Variants in CDC42BPA observed in about 807,000 individuals in gnomAD.
CDC42BPA encodes the protein serine/threonine-protein kinase MRCK alpha.
A neutral mutation model predicts 223.5 loss-of-function variants in CDC42BPA; 80 were observed. The observed-to-expected ratio is 0.36, with a 90% CI of 0.30 to 0.43. The LOEUF (loss-of-function observed/expected upper bound fraction) is 0.43. Ranked by LOEUF, CDC42BPA falls within the 20% of genes least tolerant of loss-of-function variation. CDC42BPA has a pLI of 1.00. For missense variants in CDC42BPA, 1,743 were observed against 2,099.9 expected (o/e 0.83, Z 3.32); for synonymous variants, 694 against 718.6 (o/e 0.97, Z 0.55).
chr1:227,020,367 A>G (rs1456121846), intron 32 of CDC42BPA, among the ~76,000 whole-genome samples: 1 of 152,266 alleles, frequency 6.6e-6, no homozygotes, highest in Non-Finnish European at 1.5e-5. Flanking sequence ...TTCTTCCTAC[A>G]GAAGTCTGTT....
At chr1:227,295,939 AAC>A (rs536372877) in intron 1 of CDC42BPA, among the ~76,000 whole-genome samples, 39 of 152,380 alleles carry the variant, frequency 2.6e-4, no homozygotes, top group African/African-American at 9.1e-4. Context: ...AAAGCTAGAA[AAC>A]ACAGTCAATC....
At chr1:227,072,552 G>A (rs1678610900) in intron 19 of CDC42BPA, among the ~76,000 whole-genome samples, 1 of 151,976 alleles carries the variant, frequency 6.6e-6, no homozygotes, top group South Asian at 2.1e-4. Flanking sequence ...GCAGAGATGA[G>A]AAGCTGTGAT....
At chr1:227,185,972 T>C (rs1214071865) in intron 5 of CDC42BPA, among the ~76,000 whole-genome samples, 1 of 152,122 alleles carries the variant, frequency 6.6e-6, no homozygotes, top group Non-Finnish European at 1.5e-5. Flanking sequence ...TTCTTAGATA[T>C]GTAAGAGAAG....
chr1:227,162,866 A>ATGTGTGTGTGTGTG (rs71574598), intron 5 of CDC42BPA, among the ~76,000 whole-genome samples: 39,547 of 126,962 alleles, frequency 0.31, 5,336 homozygotes, highest in African/African-American at 0.32. Flanking sequence ...AAATAAATAT[A>ATGTGTGTGTGTGTG]TATGTGTGTG....
chr1:227,076,944 C>T (rs960371364), intron 17 of CDC42BPA, among the ~76,000 whole-genome samples: 2 of 152,150 alleles, frequency 1.3e-5, no homozygotes, highest in African/African-American at 4.8e-5. Flanking sequence ...CCTGCCTCAA[C>T]TATTTTGCTG....
chr1:227,259,650 T>C (rs1683708132), intron 1 of CDC42BPA, among the ~76,000 whole-genome samples: 2 of 150,848 alleles, frequency 1.3e-5, no homozygotes, highest in Non-Finnish European at 2.9e-5. Flanking sequence ...TTAACCCTCA[T>C]TAATATTATA....
At chr1:227,230,220 C>G (rs903416811) in intron 2 of CDC42BPA, among the ~76,000 whole-genome samples, 1 of 152,234 alleles carries the variant, frequency 6.6e-6, no homozygotes, top group South Asian at 2.1e-4. Flanking sequence ...TCTCTGATTT[C>G]ATAGTTCTTA....
chr1:227,232,878 G>A (rs182418138), intron 2 of CDC42BPA, among the ~76,000 whole-genome samples: 122 of 152,348 alleles, frequency 8.0e-4, no homozygotes, highest in Non-Finnish European at 1.4e-3. Context: ...ACTTGAGGAG[G>A]CAGTCTGTCC....
chr1:227,243,137 A>T (rs1395300583), intron 2 of CDC42BPA, among the ~76,000 whole-genome samples: 1 of 152,200 alleles, frequency 6.6e-6, no homozygotes, highest in African/African-American at 2.4e-5. Flanking sequence ...ACACATGGAC[A>T]CATAGAAGGG....
chr1:227,163,429 T>C (rs1350426229), intron 5 of CDC42BPA, among the ~76,000 whole-genome samples: 1 of 152,172 alleles, frequency 6.6e-6, no homozygotes, highest in Admixed American at 6.5e-5. Flanking sequence ...CTCCAGACTA[T>C]AGATGTAGAA....
chr1:227,175,421 G>C (rs1422053757), intron 5 of CDC42BPA, among the ~76,000 whole-genome samples: 2 of 151,384 alleles, frequency 1.3e-5, no homozygotes, highest in Non-Finnish European at 3.0e-5. Flanking sequence ...CTGCAAACTT[G>C]AAGTCTAATT....
At chr1:227,193,996 G>T in intron 4 of CDC42BPA, 62 bp from the exon 5 acceptor site, 1 of 1,150,992 alleles carries the variant, frequency 8.7e-7, no homozygotes, top group Non-Finnish European at 1.2e-6. Flanking sequence ...TCAATATACT[G>T]TATCCCAAGG....
intron 1 of CDC42BPA, among the ~76,000 whole-genome samples, chr1:227,305,953 G>A (rs762011250): frequency 5.9e-5 from 9 of 152,214 alleles, no homozygotes; most frequent in East Asian, 1.9e-4. Context: ...GTGACAGAGC[G>A]AGACTCCATC....
At chr1:227,077,314 C>T (rs1360445292) in intron 17 of CDC42BPA, among the ~76,000 whole-genome samples, 1 of 152,108 alleles carries the variant, frequency 6.6e-6, no homozygotes, top group Non-Finnish European at 1.5e-5. Flanking sequence ...AATAAGAATA[C>T]ATGTGAATTT....
chr1:227,048,039 A>AT (rs1672810924), intron 22 of CDC42BPA, 29 bp from the exon 23 acceptor site: 1 of 1,374,606 alleles, frequency 7.3e-7, no homozygotes, highest in Non-Finnish European at 1.0e-6. Context: ...AAGGAAATAA[A>AT]TGTCATGAAA....
At chr1:227,203,061 T>G (rs1047481159) in intron 3 of CDC42BPA, among the ~76,000 whole-genome samples, 26 of 152,142 alleles carry the variant, frequency 1.7e-4, no homozygotes, top group African/African-American at 6.3e-4. Flanking sequence ...CAACAATTAT[T>G]TTCTTGGTCA....
chr1:227,170,535 G>A (rs1665925227), intron 5 of CDC42BPA, among the ~76,000 whole-genome samples: 1 of 152,052 alleles, frequency 6.6e-6, no homozygotes, highest in Non-Finnish European at 1.5e-5. Context: ...GGACAGAGAT[G>A]TATTATCTTC....
chr1:227,186,505 G>A (rs748694443), intron 5 of CDC42BPA, among the ~76,000 whole-genome samples: 3 of 152,116 alleles, frequency 2.0e-5, no homozygotes, highest in Non-Finnish European at 4.4e-5. Flanking sequence ...AACTAAGCAG[G>A]AAGGCAGGAA....
intron 3 of CDC42BPA, among the ~76,000 whole-genome samples, chr1:227,209,519 G>A (rs1353289899): frequency 7.2e-6 from 1 of 138,314 alleles, no homozygotes; most frequent in African/African-American, 2.8e-5. Flanking sequence ...TTATTATTTT[G>A]AAATACGTCC....
Sources: allele counts gnomAD v4.1 joint callset (sites outside exome capture counted in the v4.1 genomes callset), GRCh38; gene constraint gnomAD v4.1.1; transcripts MANE v1.5; gene names NCBI Gene and HGNC (gene_info 2026-07-23, HGNC 2026-07-21).